Variants in GPATCH2 observed in about 807,000 individuals in gnomAD.
GPATCH2 encodes the protein G-patch domain containing 2.
In GPATCH2, 51 loss-of-function variants were observed where a neutral mutation model predicts 58.0. That is an observed-to-expected ratio of 0.88 (90% CI 0.70 to 1.11). The LOEUF (loss-of-function observed/expected upper bound fraction) is 1.11, where lower values mean the gene tolerates loss of function less well. Ranked by LOEUF, GPATCH2 falls within the 50% of genes most tolerant of loss-of-function variation. The pLI is 0.00. For missense variants in GPATCH2, 625 were observed against 652.2 expected (o/e 0.96, Z 0.45); for synonymous variants, 222 against 218.5 (o/e 1.02, Z -0.14).
chr1:217,519,866 G>A (rs769769425), intron 5 of GPATCH2, among the ~76,000 whole-genome samples: 9 of 152,258 alleles, frequency 5.9e-5, no homozygotes, highest in Non-Finnish European at 1.0e-4. Flanking sequence ...TAAGTGATAT[G>A]TGTTCCCTTT....
intron 5 of GPATCH2, among the ~76,000 whole-genome samples, chr1:217,524,730 G>A (rs1305916954): frequency 2.0e-5 from 3 of 150,370 alleles, no homozygotes; most frequent in Non-Finnish European, 4.4e-5. Context: ...GCGTGGCAGC[G>A]CGCACCTGCA....
chr1:217,449,401 T>C (rs1659553798), intron 8 of GPATCH2, 64 bp from the exon 9 acceptor site: 3 of 931,604 alleles, frequency 3.2e-6, no homozygotes, highest in Non-Finnish European at 5.3e-6. Flanking sequence ...AATACACAGC[T>C]TGTATCATCT....
intron 9 of GPATCH2, among the ~76,000 whole-genome samples, chr1:217,435,145 C>T (rs1233308629): frequency 2.0e-5 from 3 of 152,190 alleles, no homozygotes; most frequent in Non-Finnish European, 4.4e-5. Context: ...GTATACACCA[C>T]AACCATAATT....
At chr1:217,577,027 A>G (rs976934842) in intron 5 of GPATCH2, among the ~76,000 whole-genome samples, 5 of 152,226 alleles carry the variant, frequency 3.3e-5, no homozygotes, top group Admixed American at 3.3e-4. Context: ...CTGAAAAAAT[A>G]CAATTTATAA....
At chr1:217,524,379 GA>G (rs1663699374) in intron 5 of GPATCH2, among the ~76,000 whole-genome samples, 1 of 150,820 alleles carries the variant, frequency 6.6e-6, no homozygotes. Flanking sequence ...TTTCCAGACT[GA>G]GCAGCCAGGC....
rs1355966982 is a variant in GPATCH2, at chr1:217,619,949, C to A, written c.607G>T (p.Glu203Ter). 2 of 1,613,760 alleles carry A rather than the reference C, an allele frequency of 1.2e-6. No homozygotes were observed. The highest frequency in any genetic ancestry group is 1.7e-6 in the Non-Finnish European group (2 of 1,179,956). ...TTTTTGACTTTGTTCTTGGTAAATTCTTGATACTGGTAGGCTCTATCACTG... is the reference window on the plus strand; with the variant it reads ...TTTTTGACTTTGTTCTTGGTAAATTATTGATACTGGTAGGCTCTATCACTG... ...MDSDRAYQYQ[E>*]FTKNKVKKRK... is the part of the protein sequence containing the mutation. The change falls in exon 2 of 10, where the codon GAA becomes TAA. Residue 203 changes from glutamate to a stop codon, truncating the protein, a stop_gained. Coordinates refer to ENST00000366935, the MANE Select transcript of GPATCH2 (RefSeq NM_018040.5). LOFTEE classifies it high-confidence loss of function.
chr1:217,618,978 A>G (rs1669044142), intron 2 of GPATCH2, among the ~76,000 whole-genome samples: 2 of 150,884 alleles, frequency 1.3e-5, no homozygotes, highest in African/African-American at 4.9e-5. Context: ...AAAAAAAAAG[A>G]TAGCAGCCCT....
At chr1:217,473,220 A>G (rs1205969197) in intron 8 of GPATCH2, among the ~76,000 whole-genome samples, 2 of 152,092 alleles carry the variant, frequency 1.3e-5, no homozygotes, top group African/African-American at 4.8e-5. Flanking sequence ...TAATAAATCT[A>G]GACATCACTA....
intron 9 of GPATCH2, among the ~76,000 whole-genome samples, 172 bp from the exon 10 acceptor site, chr1:217,431,537 G>A (rs899772609): frequency 6.6e-6 from 1 of 152,206 alleles, no homozygotes; most frequent in African/African-American, 2.4e-5. Flanking sequence ...AACAATGGAA[G>A]AAAGATCTTG....
chr1:217,618,751 G>A (rs1669025315), intron 2 of GPATCH2, among the ~76,000 whole-genome samples: 1 of 152,072 alleles, frequency 6.6e-6, no homozygotes, highest in Admixed American at 6.6e-5. Flanking sequence ...CTTGAGGTCA[G>A]GGGTTGAAGA....
chr1:217,441,616 G>GA (rs1659145416), intron 9 of GPATCH2, among the ~76,000 whole-genome samples: 1 of 152,022 alleles, frequency 6.6e-6, no homozygotes. Flanking sequence ...CTAATAACCA[G>GA]AATCTACAAA....
At chr1:217,532,241 C>A (rs1664228445) in intron 5 of GPATCH2, among the ~76,000 whole-genome samples, 1 of 152,150 alleles carries the variant, frequency 6.6e-6, no homozygotes, top group African/African-American at 2.4e-5. Context: ...GATGATTGAG[C>A]ACTTCCTAGG....
At chr1:217,522,951 TA>T (rs1663545798) in intron 5 of GPATCH2, among the ~76,000 whole-genome samples, 2 of 151,760 alleles carry the variant, frequency 1.3e-5, no homozygotes, top group Admixed American at 1.3e-4. Flanking sequence ...TTTGTAACTT[TA>T]AAAAACAGAT....
intron 1 of GPATCH2, among the ~76,000 whole-genome samples, chr1:217,628,408 T>C (rs1357345203): frequency 6.6e-6 from 1 of 151,942 alleles, no homozygotes; most frequent in South Asian, 2.1e-4. Flanking sequence ...ACAAATTTAA[T>C]GAATTACTTG....
intron 5 of GPATCH2, among the ~76,000 whole-genome samples, chr1:217,576,490 C>T (rs1363004715): frequency 6.6e-6 from 1 of 152,094 alleles, no homozygotes; most frequent in African/African-American, 2.4e-5. Context: ...AATGGGTTCC[C>T]AAATTTTTAT....
At chr1:217,471,787 A>C (rs1039727868) in intron 8 of GPATCH2, among the ~76,000 whole-genome samples, 11 of 152,092 alleles carry the variant, frequency 7.2e-5, no homozygotes, top group Admixed American at 6.5e-4. Flanking sequence ...CTTTCTTCTC[A>C]CTATTAATAG....
At chr1:217,524,609 G>A (rs1158472183) in intron 5 of GPATCH2, among the ~76,000 whole-genome samples, 1 of 151,630 alleles carries the variant, frequency 6.6e-6, no homozygotes, top group Admixed American at 6.6e-5. Flanking sequence ...CTGCAATCCC[G>A]GCACCTCGGG....
intron 5 of GPATCH2, among the ~76,000 whole-genome samples, chr1:217,525,050 C>T (rs904357083): frequency 2.7e-5 from 4 of 149,760 alleles, no homozygotes; most frequent in Non-Finnish European, 5.9e-5. Flanking sequence ...ATATTTAATT[C>T]ACTTCATCCT....
intron 8 of GPATCH2, among the ~76,000 whole-genome samples, chr1:217,479,221 A>G (rs776329576): frequency 6.6e-6 from 1 of 152,210 alleles, no homozygotes; most frequent in Non-Finnish European, 1.5e-5. Flanking sequence ...GTAAGTACAC[A>G]GAAAAACACA....
Sources: allele counts gnomAD v4.1 joint callset (sites outside exome capture counted in the v4.1 genomes callset), GRCh38; gene constraint gnomAD v4.1.1; transcripts MANE v1.5; gene names NCBI Gene and HGNC (gene_info 2026-07-23, HGNC 2026-07-21).